Variants in NID2 observed in about 807,000 individuals in gnomAD.
The protein encoded by NID2 is nidogen-2.
A neutral mutation model predicts 145.4 loss-of-function variants in NID2; 83 were observed. The observed-to-expected ratio is 0.57, with a 90% CI of 0.48 to 0.69. The LOEUF (loss-of-function observed/expected upper bound fraction) is 0.69. Among genes scored for constraint, NID2 ranks in the 30% least tolerant of loss-of-function variants. The pLI is 0.00. For missense variants in NID2, 1,807 were observed against 1,765.7 expected, an observed-to-expected ratio of 1.02 and a Z score of -0.42; for synonymous variants, 739 against 701.3, an observed-to-expected ratio of 1.05 and a Z score of -0.85.
chr14:52,030,472 G>A (rs1319259267), intron 9 of NID2, among the ~76,000 whole-genome samples: 2 of 22,128 alleles, frequency 9.0e-5, no homozygotes, highest in South Asian at 3.8e-3. Flanking sequence ...ACCTTATCTC[G>A]AGAGAAAGAA....
Position 52,042,339 on chromosome 14 carries a change from G to T in NID2, c.1591C>A (p.Arg531=), listed in dbSNP as rs565384688. 1.7e-5 allele frequency: 28 copies of T among 1,610,108 alleles called. No individual in the cohort carries two copies. In the South Asian group the frequency reaches 3.1e-4, roughly 18 times the overall value. The change falls in exon 7 of 22, where the codon CGA becomes AGA. Residue 531 remains arginine (R), a synonymous_variant. Coordinates refer to ENST00000216286, the MANE Select transcript of NID2 (RefSeq NM_007361.4). ...KHCLPEGAPH[R]VNGKVSGHLH... ...TGGCCACTCACTTTCCCATTCACTC[G>T]GTGAGGTGCCCCTAAAAGACAGCAA...
intron 1 of NID2, 49 bp downstream of exon 1, chr14:52,068,717 AC>A: frequency 2.7e-6 from 4 of 1,508,222 alleles, no homozygotes; most frequent in Non-Finnish European, 3.6e-6. Context: ...CGTGAGACCG[AC>A]CCCAGGGAAG....
intron 12 of NID2, among the ~76,000 whole-genome samples, chr14:52,023,506 G>A (rs190070000): frequency 1.4e-3 from 207 of 151,590 alleles, no homozygotes; most frequent in Non-Finnish European, 1.5e-3. Context: ...AAGAAAAAAC[G>A]CCAGGAAACC....
Position 52,038,949 on chromosome 14 carries a change from G to A in NID2, c.2055C>T (p.Tyr685=), listed in dbSNP as rs1892176798. 6.2e-7 allele frequency: 1 copy of A among 1,613,574 alleles called. No homozygotes were observed. Among genetic ancestry groups the A allele is most frequent in the East Asian group, 2.2e-5 (1 of 44,872 alleles). The change falls in exon 9 of 22, where the codon TAC becomes TAT. Residue 685 remains tyrosine, a synonymous_variant. Transcript: ENST00000216286. Reference sequence around the variant, plus strand: ...GGTTGATTGCACCAAAAGTCAGAGAGTAGTCTCTGGAACTTGTAGAGGTCA... The same window carrying A: ...GGTTGATTGCACCAAAAGTCAGAGAATAGTCTCTGGAACTTGTAGAGGTCA... ...STVTSTSSRD[Y]SLTFGAINQT...
At chr14:52,068,219 C>T in intron 1 of NID2, 56 bp from the exon 2 acceptor site, 1 of 1,537,648 alleles carries the variant, frequency 6.5e-7, no homozygotes, top group Non-Finnish European at 8.9e-7. Flanking sequence ...GGACGCTACC[C>T]TTTCGCGCAG....
intron 12 of NID2, among the ~76,000 whole-genome samples, chr14:52,023,404 G>A (rs971309727): frequency 2.6e-5 from 4 of 151,510 alleles, no homozygotes; most frequent in African/African-American, 9.7e-5. Flanking sequence ...GCAGTGAGCT[G>A]TAATCACACC....
Position 52,069,031 on chromosome 14 carries a change from G to T in NID2, c.-37C>A. 6.6e-7 allele frequency: 1 copy of T among 1,507,502 alleles called. No individual in the cohort carries two copies. The highest frequency in any genetic ancestry group is 9.1e-7 in the Non-Finnish European group (1 of 1,102,912). 93.4% of individuals were successfully genotyped at this position (1,507,502 alleles called of 1,614,324 possible). A position where few individuals can be genotyped will look rare whatever the true frequency, so the allele number is the denominator to read the frequency against. On this transcript the variant is annotated 5_prime_UTR_variant, in exon 1 of 22. Coordinates refer to ENST00000216286, the MANE Select transcript of NID2 (RefSeq NM_007361.4). ...CGTGCGCTTACCCGCTGCACAACGCGTCCCGCCCCGGCCTCCAGCCCACTC... is the reference window on the plus strand; with the variant it reads ...CGTGCGCTTACCCGCTGCACAACGCTTCCCGCCCCGGCCTCCAGCCCACTC...
Position 52,053,599 on chromosome 14 carries a change from T to C in NID2, c.1409A>G (p.Asn470Ser). 1.2e-6 allele frequency: 2 copies of C among 1,613,960 alleles called. No homozygotes were observed. Among genetic ancestry groups the C allele is most frequent in the South Asian group, 1.1e-5 (1 of 91,036 alleles). The change falls in exon 5 of 22, where the codon AAC becomes AGC. Residue 470 changes from asparagine to serine, a missense_variant. Transcript: ENST00000216286. The stretch of plus-strand genomic sequence containing the variant: ...CTCACCCTCGGTGTTGGAACCTATG[T>C]TGTCTTCCAGTCCCACCTCATACGT... ...RGTYEVGLEDNIGSNTEVFTY... is the reference protein window; with the variant it reads ...RGTYEVGLEDSIGSNTEVFTY...
intron 5 of NID2, among the ~76,000 whole-genome samples, chr14:52,047,648 C>T (rs10400710): frequency 0.045 from 6,796 of 151,954 alleles, 182 homozygotes; most frequent in Middle Eastern, 0.078. Context: ...AAGGTGGAAC[C>T]GAGAGGGTTT....
Position 52,019,215 on chromosome 14 carries a change from G to C in NID2, c.2874C>G (p.Phe958Leu). The change falls in exon 14 of 22, where the codon TTC (phenylalanine) becomes TTG (leucine). Residue 958 changes from phenylalanine (F) to leucine (L), a missense_variant. By Grantham distance (22) the Phe-to-Leu change is conservative (BLOSUM62 0). Coordinates refer to ENST00000216286, the MANE Select transcript of NID2 (RefSeq NM_007361.4). ...CCTGCTCGTCGCATTGGGGGATGTG[G>C]AACCGGGCCCCAGGGTAGGCATACT... ...QAQYAYPGAR[F>L]HIPQCDEQGN... 1 of 1,613,526 alleles carries C rather than the reference G, an allele frequency of 6.2e-7. No individual in the cohort carries two copies. Among genetic ancestry groups the C allele is most frequent in the South Asian group, 1.1e-5 (1 of 91,070 alleles).
chr14:52,014,966 C>T, intron 15 of NID2, 88 bp downstream of exon 15: 2 of 1,074,214 alleles, frequency 1.9e-6, no homozygotes, highest in African/African-American at 1.6e-5. Flanking sequence ...GGTGACCCCA[C>T]ATGTCCCCCC....
At chr14:52,023,247 G>C (rs867882983) in intron 12 of NID2, among the ~76,000 whole-genome samples, 1 of 151,984 alleles carries the variant, frequency 6.6e-6, no homozygotes, top group African/African-American at 2.4e-5. Flanking sequence ...GAGGCTGAGG[G>C]GGGTAGATCG....
chr14:52,044,429 C>G (rs1350997704), intron 5 of NID2, among the ~76,000 whole-genome samples: 2 of 151,822 alleles, frequency 1.3e-5, no homozygotes, highest in Non-Finnish European at 2.9e-5. Context: ...ACCACCACGC[C>G]TGACTAATTT....
Position 52,068,159 on chromosome 14 carries a change from C to A in NID2, c.233G>T (p.Gly78Val), listed in dbSNP as rs1444364759. ...YEARFSNLYV[G>V]TNGIISTQDF... ...CTGAGTGGAGATGATGCCGTTGGTG[C>A]CCACCTGGGAGAGGAGAGGGACAAA... Residue 78 changes from glycine to valine, a missense_variant, in exon 2 of 22, where the codon GGC becomes GTC. Gly to Val is a moderately radical substitution (Grantham distance 109). Coordinates refer to ENST00000216286, the MANE Select transcript of NID2 (RefSeq NM_007361.4). 1.2e-6 allele frequency: 2 copies of A among 1,612,744 alleles called. No individual in the cohort carries two copies. Among genetic ancestry groups the A allele is most frequent in the Non-Finnish European group, 1.7e-6 (2 of 1,179,700 alleles).
intron 3 of NID2, among the ~76,000 whole-genome samples, chr14:52,056,728 G>C (rs1892858323): frequency 2.0e-5 from 3 of 152,134 alleles, no homozygotes; most frequent in African/African-American, 7.2e-5. Context: ...GGAGGCAGAG[G>C]TTGCAGTGAA....
At chr14:52,009,118 T>C (rs771575693) in intron 18 of NID2, 5 of 152,160 alleles carry the variant, frequency 3.3e-5, no homozygotes, top group Non-Finnish European at 5.9e-5. Flanking sequence ...GAAGAAACCA[T>C]AGGTTTCCCC....
intron 1 of NID2, 78 bp from the exon 2 acceptor site, chr14:52,068,241 A>C (rs1008885692): frequency 1.4e-6 from 2 of 1,407,270 alleles, no homozygotes; most frequent in African/African-American, 2.8e-5. Context: ...GAGGGAAGGG[A>C]ACTGACTTAG....
chr14:52,049,189 ATGTTT>A (rs1892605775), intron 5 of NID2, among the ~76,000 whole-genome samples: 2 of 102,004 alleles, frequency 2.0e-5, no homozygotes, highest in Non-Finnish European at 4.5e-5. Context: ...TTTCTATTTA[ATGTTT>A]TTTTTGTTTG....
At position 52,030,615 on chromosome 14, in the gene NID2, AAAG is replaced by A. The variant is rs1388795790; in HGVS notation, c.2258-928_2258-926del. On this transcript the variant is annotated intron_variant, in intron 9 of 21. Coordinates refer to ENST00000216286, the MANE Select transcript of NID2 (RefSeq NM_007361.4). The stretch of plus-strand genomic sequence containing the variant: ...GAAAGAAAGAAAGAAAGAGAAAGAA[AAAG>A]AAAGAAAGAGAAAGAAAGAGAAAGA... Among the ~76,000 whole-genome samples the A allele has an allele frequency of 7.1e-4, 69 of 97,132 alleles. 5 individuals are homozygous for A. The highest frequency in any genetic ancestry group is 2.7e-3 in the African/African-American group (66 of 24,264). 63.7% of individuals were successfully genotyped at this position (97,132 alleles called of 152,430 possible).
Sources: gnomAD v4.1 joint callset for allele counts (sites outside exome capture counted in the v4.1 genomes callset) on GRCh38, gnomAD v4.1.1 for gene constraint, MANE v1.5 for transcripts, NCBI Gene and HGNC (gene_info 2026-07-23, HGNC 2026-07-21) for gene names.